Variants in TMCO1 observed in about 807,000 individuals in gnomAD.
TMCO1 encodes the protein transmembrane and coiled-coil domains 1, also known as calcium load-activated calcium channel.
In TMCO1, 29 loss-of-function variants were observed where a neutral mutation model predicts 29.3. The observed-to-expected ratio is 0.99, with a 90% CI of 0.74 to 1.35. TMCO1 has a LOEUF of 1.35. TMCO1 is among the 40% of genes most tolerant of loss of function. The pLI, the probability that TMCO1 is intolerant of heterozygous loss-of-function variation, is 0.00. For missense variants in TMCO1, 173 were observed against 225.5 expected, an observed-to-expected ratio of 0.77 and a Z score of 1.49; for synonymous variants, 80 against 77.1, an observed-to-expected ratio of 1.04 and a Z score of -0.20.
chr1:165,750,669 T>G (rs562005961), intron 5 of TMCO1, among the ~76,000 whole-genome samples: 2 of 152,304 alleles, frequency 1.3e-5, no homozygotes, highest in South Asian at 4.1e-4. Flanking sequence ...CAGACTTTTG[T>G]GTGGACAAAA....
At chr1:165,763,866 A>G (rs906642985) in intron 2 of TMCO1, among the ~76,000 whole-genome samples, 2 of 152,210 alleles carry the variant, frequency 1.3e-5, no homozygotes, top group African/African-American at 2.4e-5. Flanking sequence ...AGCTCAAACA[A>G]TCTACCTGCC....
intron 2 of TMCO1, among the ~76,000 whole-genome samples, chr1:165,766,584 T>G (rs762925836): frequency 6.6e-6 from 1 of 152,106 alleles, no homozygotes; most frequent in Non-Finnish European, 1.5e-5. Context: ...GCCCAGGAGT[T>G]TGAGATCAGC....
rs1210021122 is a variant in TMCO1, at chr1:165,727,832, T to C, written c.*191A>G. The C allele has an allele frequency of 1.9e-6, 1 of 527,428 alleles. No homozygotes were observed. Among genetic ancestry groups the C allele is most frequent in the Non-Finnish European group, 3.6e-6 (1 of 274,228 alleles). 32.7% of individuals were successfully genotyped at this position (527,428 alleles called of 1,614,324 possible). On this transcript the variant is annotated 3_prime_UTR_variant, in exon 7 of 7. Coordinates refer to ENST00000367881, the MANE Select transcript of TMCO1 (RefSeq NM_019026.6). ...ATCCACTTATTTGATAAAAATCATCTAGGACCAAAAGCACTATCAAGTTTG... is the reference window on the plus strand; with the variant it reads ...ATCCACTTATTTGATAAAAATCATCCAGGACCAAAAGCACTATCAAGTTTG...
rs1247427997 is a variant in TMCO1, at chr1:165,743,244, G to A, written c.391C>T (p.Arg131Ter). ...GTGGTGTCATCTCCCAGCAGATTTC[G>A]ATGAGACAGTCCTTGGATGTAAGAA... is the stretch of plus-strand genomic sequence containing the variant. ...PLSYIQGLSHRNLLGDDTTDC... is the reference protein window; with the variant it reads ...PLSYIQGLSH Residue 131 changes from arginine (R) to a stop codon, truncating the protein, a stop_gained, in exon 6 of 7, where the codon CGA becomes TGA. Transcript: ENST00000367881. LOFTEE classifies it high-confidence loss of function. The A allele has an allele frequency of 5.0e-6, 8 of 1,613,318 alleles. No homozygotes were observed. Among genetic ancestry groups the A allele is most frequent in the South Asian group, 3.3e-5 (3 of 91,054 alleles).
At chr1:165,728,320 A>G (rs1650987461) in intron 6 of TMCO1, among the ~76,000 whole-genome samples, 199 bp from the exon 7 acceptor site, 1 of 151,134 alleles carries the variant, frequency 6.6e-6, no homozygotes, top group Admixed American at 6.6e-5. Context: ...GCAGTGGAGC[A>G]ATCTTGGCTC....
At chr1:165,730,165 C>CAAAAAAAAAAAAAAAAAAAA (rs572104283) in intron 6 of TMCO1, among the ~76,000 whole-genome samples, 1 of 103,154 alleles carries the variant, frequency 9.7e-6, no homozygotes. Context: ...ACTAAAAATA[C>CAAAAAAAAAAAAAAAAAAAA]ACACACACAA....
At chr1:165,763,948 G>T (rs967736496) in intron 2 of TMCO1, among the ~76,000 whole-genome samples, 2 of 152,158 alleles carry the variant, frequency 1.3e-5, no homozygotes, top group African/African-American at 4.8e-5. Flanking sequence ...ACTTTGAATT[G>T]CAGTGTACAG....
In TMCO1 at chr1:165,731,851, C is replaced by A. The variant is rs1651171711; in HGVS notation, c.469-3730G>T. ...ACTCTATACTTTCCTTTCCTTGTGG[C>A]TCTTGCCACAGACCCGTTTTGGGAA... On this transcript the variant is annotated intron_variant, in intron 6 of 6. Coordinates refer to ENST00000367881, the MANE Select transcript of TMCO1 (RefSeq NM_019026.6). Among the ~76,000 whole-genome samples, 2 of 152,230 alleles carry A rather than the reference C, an allele frequency of 1.3e-5. 1 individual carries two copies. The highest frequency in any genetic ancestry group is 4.1e-4 in the South Asian group (2 of 4,830).
intron 2 of TMCO1, among the ~76,000 whole-genome samples, chr1:165,765,332 G>A (rs994701955): frequency 6.6e-6 from 1 of 152,188 alleles, no homozygotes. Flanking sequence ...TGGCCAAGCT[G>A]GAGTGCAGTG....
intron 5 of TMCO1, among the ~76,000 whole-genome samples, chr1:165,750,591 A>T (rs1376717888): frequency 6.6e-6 from 1 of 151,946 alleles, no homozygotes; most frequent in African/African-American, 2.4e-5. Context: ...ATGGAACATT[A>T]TAAAGACATT....
At chr1:165,754,196 G>T (rs375480623) in intron 4 of TMCO1, 32 bp downstream of exon 4, 21 of 1,574,088 alleles carry the variant, frequency 1.3e-5, no homozygotes, top group Non-Finnish European at 1.7e-5. Context: ...ATATTATGTG[G>T]TTAACCATGA....
intron 6 of TMCO1, among the ~76,000 whole-genome samples, chr1:165,740,153 CTT>C (rs1359242748): frequency 6.7e-6 from 1 of 150,088 alleles, no homozygotes; most frequent in East Asian, 2.0e-4. Flanking sequence ...CAGAATTGCT[CTT>C]TGTTGCTTAA....
intron 5 of TMCO1, among the ~76,000 whole-genome samples, chr1:165,744,658 C>T (rs374573980): frequency 1.7e-4 from 26 of 151,812 alleles, no homozygotes; most frequent in Non-Finnish European, 3.7e-4. Context: ...GGCATGGTGG[C>T]GCATGCCTGT....
Position 165,727,661 on chromosome 1 carries a change from A to T in TMCO1, c.*362T>A. On this transcript the variant is annotated 3_prime_UTR_variant, in exon 7 of 7. Transcript: ENST00000367881. ...TTAAACAAACTAAATTTTTCTTCTAAATCTCTAAATGCTCATAGACAGCCA... is the reference window on the plus strand; with the variant it reads ...TTAAACAAACTAAATTTTTCTTCTATATCTCTAAATGCTCATAGACAGCCA... 1 of 454,304 alleles carries T rather than the reference A, an allele frequency of 2.2e-6. No individual in the cohort carries two copies. The highest frequency in any genetic ancestry group is 4.4e-6 in the Non-Finnish European group (1 of 226,952). The allele number at this position is 454,304 out of a possible 1,614,324, so 28.1% of individuals were successfully genotyped here. A position where few individuals can be genotyped will look rare whatever the true frequency, so the allele number is the denominator to read the frequency against.
At chr1:165,726,714 T>A, downstream of TMCO1, 1 of 454,172 alleles carries the variant, frequency 2.2e-6, no homozygotes, top group Non-Finnish European at 4.4e-6. Context: ...GACCATTGTT[T>A]CTTGTATGCC....
chr1:165,730,860 T>C (rs900902895), intron 6 of TMCO1, among the ~76,000 whole-genome samples: 1 of 151,886 alleles, frequency 6.6e-6, no homozygotes, highest in African/African-American at 2.4e-5. Flanking sequence ...TCCCAGGTGC[T>C]GGCATTATAG....
At chr1:165,754,038 G>A (rs926186385) in intron 4 of TMCO1, among the ~76,000 whole-genome samples, 190 bp downstream of exon 4, 1 of 152,182 alleles carries the variant, frequency 6.6e-6, no homozygotes, top group African/African-American at 2.4e-5. Context: ...GCTATTTATA[G>A]TATTAAAATG....
At chr1:165,751,860 CATAA>C (rs2101806346) in intron 5 of TMCO1, among the ~76,000 whole-genome samples, 1 of 151,038 alleles carries the variant, frequency 6.6e-6, no homozygotes, top group Admixed American at 6.6e-5. Flanking sequence ...AAGAAAAATA[CATAA>C]ATAATGTATG....
chr1:165,728,066 C>A lies in TMCO1; in HGVS notation c.524G>T (p.Gly175Val). The A allele has an allele frequency of 6.2e-7, 1 of 1,609,210 alleles. No individual in the cohort carries two copies. ...APSRAATKQAGGFLGPPPPSG... is the reference protein window; with the variant it reads ...APSRAATKQAVGFLGPPPPSG... ...AGGAGGTGGTGGGCCAAGAAATCCA[C>A]CTGCCTGCTTGGTGGCGGCTCGTGA... is the stretch of plus-strand genomic sequence containing the variant. Residue 175 changes from glycine (G) to valine (V), a missense_variant, in exon 7 of 7, where the codon GGT (glycine) becomes GTT (valine). Coordinates refer to ENST00000367881, the MANE Select transcript of TMCO1 (RefSeq NM_019026.6).
Sources: allele counts gnomAD v4.1 joint callset (sites outside exome capture counted in the v4.1 genomes callset), GRCh38; gene constraint gnomAD v4.1.1; transcripts MANE v1.5; gene names NCBI Gene and HGNC (gene_info 2026-07-23, HGNC 2026-07-21).